The following LRRC8B variants were observed in gnomAD, a reference collection of about 807,000 sequenced individuals.
The protein encoded by LRRC8B is leucine rich repeat containing 8 VRAC subunit B.
In LRRC8B, 23 loss-of-function variants were observed where a neutral mutation model predicts 58.8. The observed-to-expected ratio is 0.39, with a 90% confidence interval of 0.28 to 0.55. The LOEUF (loss-of-function observed/expected upper bound fraction) is 0.55. Among genes scored for constraint, LRRC8B ranks in the 20% least tolerant of loss-of-function variants. The pLI is 0.62. For missense variants in LRRC8B, 694 were observed against 936.0 expected (o/e 0.74, Z 3.37); for synonymous variants, 359 against 374.1 (o/e 0.96, Z 0.47).
intron 1 of LRRC8B, among the ~76,000 whole-genome samples, chr1:89,539,277 G>T (rs1185604514): frequency 6.6e-6 from 1 of 151,860 alleles, no homozygotes; most frequent in African/African-American, 2.4e-5. Context: ...CCCATATTTG[G>T]GTATTTCTAG....
chr1:89,529,213 T>C (rs1557588473), intron 1 of LRRC8B, among the ~76,000 whole-genome samples: 1 of 152,210 alleles, frequency 6.6e-6, no homozygotes, highest in Non-Finnish European at 1.5e-5. Flanking sequence ...TATTCCTCCT[T>C]ACTTCTTTTC....
At chr1:89,526,846 A>G (rs560503903) in intron 1 of LRRC8B, 1 of 152,340 alleles carries the variant, frequency 6.6e-6, no homozygotes, top group African/African-American at 2.4e-5. Flanking sequence ...CAACATGTTC[A>G]GCCTATTATG....
At chr1:89,555,258 C>G (rs1570591579) in intron 1 of LRRC8B, among the ~76,000 whole-genome samples, 1 of 152,156 alleles carries the variant, frequency 6.6e-6, no homozygotes, top group Non-Finnish European at 1.5e-5. Context: ...CAGAGCTGCC[C>G]TAACTTATTC....
intron 5 of LRRC8B, among the ~76,000 whole-genome samples, chr1:89,589,962 T>G (rs1481655822): frequency 2.0e-5 from 3 of 151,966 alleles, no homozygotes; most frequent in East Asian, 2.0e-4. Flanking sequence ...TGTAGAGAGA[T>G]AATATAGCCA....
At chr1:89,586,212 C>T (rs540060848) in intron 5 of LRRC8B, among the ~76,000 whole-genome samples, 42 of 152,292 alleles carry the variant, frequency 2.8e-4, no homozygotes, top group South Asian at 1.2e-3. Context: ...GTAGGCCAGA[C>T]GTAGGACCCA....
chr1:89,590,519 A>G (rs1654907711), intron 5 of LRRC8B, among the ~76,000 whole-genome samples: 1 of 152,236 alleles, frequency 6.6e-6, no homozygotes, highest in African/African-American at 2.4e-5. Context: ...AGCAATGCTA[A>G]GGGGCTGGCC....
intron 1 of LRRC8B, among the ~76,000 whole-genome samples, chr1:89,564,027 T>C (rs1157690711): frequency 6.6e-6 from 1 of 152,220 alleles, no homozygotes; most frequent in Non-Finnish European, 1.5e-5. Flanking sequence ...GAAGGTCATA[T>C]ATGGGTAATA....
intron 4 of LRRC8B, among the ~76,000 whole-genome samples, chr1:89,582,068 C>T (rs1225276110): frequency 6.6e-6 from 1 of 152,026 alleles, no homozygotes; most frequent in Non-Finnish European, 1.5e-5. Flanking sequence ...GGAGCTTACT[C>T]AGACATTTTG....
At chr1:89,578,961 T>G (rs150002479) in intron 3 of LRRC8B, among the ~76,000 whole-genome samples, 48 of 152,352 alleles carry the variant, frequency 3.2e-4, no homozygotes, top group African/African-American at 1.2e-3. Flanking sequence ...AATAACATAA[T>G]TTCAAGTAAT....
Position 89,593,342 on chromosome 1 carries a change from A to G in LRRC8B, c.*299A>G, listed in dbSNP as rs1655114872. ...CAGTGAGCCGAGATTGTGCCACTGT[A>G]CACCAGCCTGGGTGACAGAGCAAGA... On this transcript the variant is annotated 3_prime_UTR_variant, in exon 6 of 6. Coordinates refer to ENST00000330947, the MANE Select transcript of LRRC8B (RefSeq NM_001369817.2). The G allele has an allele frequency of 8.0e-6, 2 of 250,328 alleles. No individual in the cohort carries two copies. Among genetic ancestry groups the G allele is most frequent in the South Asian group, 1.8e-4 (2 of 11,398 alleles). The allele number at this position is 250,328 out of a possible 1,614,324, so 15.5% of individuals were successfully genotyped here.
At chr1:89,526,523 G>GT (rs1649711319) in intron 1 of LRRC8B, among the ~76,000 whole-genome samples, 1 of 152,130 alleles carries the variant, frequency 6.6e-6, no homozygotes, top group African/African-American at 2.4e-5. Flanking sequence ...TGAATTGTGG[G>GT]TGCCGAGGTG....
rs538859975 is a variant in LRRC8B at position 89,591,325 on chromosome 1, C to T, written c.2140-1446C>T. On this transcript the variant is annotated intron_variant, in intron 5 of 5. Coordinates refer to ENST00000330947, the MANE Select transcript of LRRC8B (RefSeq NM_001369817.2). ...CATCACTGATCCTACTTCTGAGCTGCAGGTATCTCTGTGCAGAAGGGGTTG... is the reference window on the plus strand; with the variant it reads ...CATCACTGATCCTACTTCTGAGCTGTAGGTATCTCTGTGCAGAAGGGGTTG... Among the ~76,000 whole-genome samples the T allele has an allele frequency of 3.9e-5, 6 of 152,304 alleles. No individual in the cohort carries two copies. In the East Asian group the frequency reaches 7.7e-4, roughly 20 times the overall value.
chr1:89,526,560 G>T (rs908395979), intron 1 of LRRC8B, among the ~76,000 whole-genome samples: 4 of 152,120 alleles, frequency 2.6e-5, no homozygotes, highest in African/African-American at 9.7e-5. Context: ...GGCTTTCCTT[G>T]TCAGCAGCTC....
chr1:89,576,434 G>A (rs945399203), intron 3 of LRRC8B, among the ~76,000 whole-genome samples: 4 of 152,172 alleles, frequency 2.6e-5, no homozygotes, highest in African/African-American at 7.2e-5. Context: ...CTTGCTCTTT[G>A]GGAGTAAGGC....
chr1:89,549,670 A>C (rs2100893382), intron 1 of LRRC8B, among the ~76,000 whole-genome samples: 1 of 152,336 alleles, frequency 6.6e-6, no homozygotes, highest in African/African-American at 2.4e-5. Flanking sequence ...TCGAACATAT[A>C]AACTTTTAAT....
intron 1 of LRRC8B, among the ~76,000 whole-genome samples, chr1:89,532,440 C>T (rs1220942951): frequency 6.6e-6 from 1 of 152,146 alleles, no homozygotes; most frequent in African/African-American, 2.4e-5. Context: ...AATTGTAGTT[C>T]ACATAGTCCC....
intron 1 of LRRC8B, among the ~76,000 whole-genome samples, chr1:89,566,468 T>TG (rs1570611898): frequency 6.6e-6 from 1 of 152,284 alleles, no homozygotes; most frequent in Non-Finnish European, 1.5e-5. Flanking sequence ...CGAGGCAGGG[T>TG]GAATGAGTAT....
intron 5 of LRRC8B, chr1:89,588,088 G>A (rs780275026): frequency 6.6e-6 from 1 of 152,166 alleles, no homozygotes; most frequent in Non-Finnish European, 1.5e-5. Flanking sequence ...TAGGAGAGCT[G>A]AGAACACAAG....
At chr1:89,546,309 A>C (rs1190575877) in intron 1 of LRRC8B, among the ~76,000 whole-genome samples, 1 of 152,174 alleles carries the variant, frequency 6.6e-6, no homozygotes, top group African/African-American at 2.4e-5. Flanking sequence ...GTGGAGTTGC[A>C]GTCCAGTGTT....
Sources: allele counts gnomAD v4.1 joint callset (sites outside exome capture counted in the v4.1 genomes callset), GRCh38; gene constraint gnomAD v4.1.1; transcripts MANE v1.5; gene names NCBI Gene and HGNC (gene_info 2026-07-23, HGNC 2026-07-21).